The following LPP variants were observed in gnomAD, a reference collection of about 807,000 sequenced individuals.
LPP encodes LIM domain containing preferred translocation partner in lipoma, also known as lipoma-preferred partner.
LPP carries 38 observed loss-of-function variants against 60.4 expected under a neutral mutation model. The ratio of observed to expected loss-of-function variants is 0.63; its 90% confidence interval spans 0.49 to 0.83. LPP has a LOEUF of 0.83. Among genes scored for constraint, LPP ranks in the 40% least tolerant of loss-of-function variants. LPP has a pLI of 0.00. For missense variants in LPP, 902 were observed against 783.6 expected (o/e 1.15, Z -1.80); for synonymous variants, 328 against 290.8 (o/e 1.13, Z -1.30).
chr3:188,842,129 T>A lies in LPP; in HGVS notation c.1411-24071T>A, dbSNP rs569101722. The stretch of plus-strand genomic sequence containing the variant: ...GGCTAATTTACATTCCCACCACCAG[T>A]GTACAAGGGTTCCCTTTTCTCCACA... On this transcript the variant is annotated intron_variant, in intron 9 of 11. Coordinates refer to ENST00000617246, the MANE Select transcript of LPP (RefSeq NM_001375462.1). Among the ~76,000 whole-genome samples the A allele has an allele frequency of 1.2e-4, 18 of 152,322 alleles. No individual in the cohort carries two copies. The South Asian group carries it at 1.7e-3, about 14-fold the overall frequency.
At chr3:188,339,245 G>C (rs1762434285) in intron 2 of LPP, among the ~76,000 whole-genome samples, 1 of 152,130 alleles carries the variant, frequency 6.6e-6, no homozygotes, top group South Asian at 2.1e-4. Context: ...AGTTGTCCCA[G>C]ATGTCTGTAT....
intron 6 of LPP, among the ~76,000 whole-genome samples, chr3:188,535,560 A>AT (rs746840521): frequency 6.6e-6 from 1 of 152,190 alleles, no homozygotes; most frequent in African/African-American, 2.4e-5. Flanking sequence ...CTGCTTTGTG[A>AT]TTTTTTTAAA....
intron 2 of LPP, among the ~76,000 whole-genome samples, chr3:188,245,365 C>G (rs766718258): frequency 1.6e-4 from 24 of 152,164 alleles, no homozygotes; most frequent in Non-Finnish European, 3.2e-4. Context: ...CCTGCCTCGG[C>G]CTCCCAAAGT....
At chr3:188,166,292 C>T (rs1255190694) in intron 1 of LPP, among the ~76,000 whole-genome samples, 2 of 152,028 alleles carry the variant, frequency 1.3e-5, no homozygotes, top group East Asian at 3.9e-4. Flanking sequence ...AGACAAAAGG[C>T]AGAGAGAGTT....
Position 188,880,766 on chromosome 3 carries a change from A to T in LPP, c.*6287A>T, listed in dbSNP as rs1769873611. 2.2e-5 allele frequency: 4 copies of T among 182,934 alleles called. No homozygotes were observed. Among genetic ancestry groups the T allele is most frequent in the Non-Finnish European group, 2.3e-5 (2 of 85,922 alleles). 11.3% of individuals were successfully genotyped at this position (182,934 alleles called of 1,614,324 possible). On this transcript the variant is annotated 3_prime_UTR_variant, in exon 12 of 12. Coordinates refer to ENST00000617246, the MANE Select transcript of LPP (RefSeq NM_001375462.1). ...TCTAAAATCAGTTCTCTACCCTACGAATGGAATGTTCTACCAAGAAAGAGA... is the reference window on the plus strand; with the variant it reads ...TCTAAAATCAGTTCTCTACCCTACGTATGGAATGTTCTACCAAGAAAGAGA...
intron 7 of LPP, among the ~76,000 whole-genome samples, chr3:188,620,803 C>T (rs954552488): frequency 6.6e-6 from 1 of 152,208 alleles, no homozygotes; most frequent in Non-Finnish European, 1.5e-5. Context: ...CAACCTCCCA[C>T]CGCATTTGAT....
intron 9 of LPP, among the ~76,000 whole-genome samples, chr3:188,793,413 C>G (rs1744415613): frequency 6.6e-6 from 1 of 151,958 alleles, no homozygotes; most frequent in African/African-American, 2.4e-5. Flanking sequence ...AACTCCTGAC[C>G]TCAGGTGATC....
At chr3:188,282,760 A>G (rs1742558494) in intron 2 of LPP, among the ~76,000 whole-genome samples, 1 of 152,144 alleles carries the variant, frequency 6.6e-6, no homozygotes, top group Non-Finnish European at 1.5e-5. Flanking sequence ...CCACCTTCTC[A>G]GAAACATCTG....
chr3:188,683,415 C>T (rs1046657186), intron 7 of LPP, among the ~76,000 whole-genome samples: 1 of 152,144 alleles, frequency 6.6e-6, no homozygotes, highest in Admixed American at 6.5e-5. Context: ...GATTTCACCT[C>T]CTGTACATGG....
intron 7 of LPP, among the ~76,000 whole-genome samples, chr3:188,657,281 T>TATAATATATATATATATATATATATATAA (rs10529848): frequency 7.0e-6 from 1 of 143,578 alleles, no homozygotes; most frequent in Non-Finnish European, 1.5e-5. Flanking sequence ...TATATATATA[T>TATAATATATATATATATATATATATATAA]TTCCAAAAGC....
intron 4 of LPP, among the ~76,000 whole-genome samples, chr3:188,471,054 A>G (rs552448544): frequency 6.6e-6 from 1 of 152,318 alleles, no homozygotes; most frequent in East Asian, 1.9e-4. Context: ...ACGTTTACCA[A>G]GCTTCCAATA....
At chr3:188,486,558 T>G (rs374450150) in intron 5 of LPP, among the ~76,000 whole-genome samples, 47 of 152,146 alleles carry the variant, frequency 3.1e-4, no homozygotes, top group African/African-American at 1.1e-3. Flanking sequence ...GGGAATGAGC[T>G]CTAGAGATTT....
chr3:188,338,551 T>C (rs1039829833), intron 2 of LPP, among the ~76,000 whole-genome samples: 12 of 152,204 alleles, frequency 7.9e-5, no homozygotes, highest in Non-Finnish European at 1.6e-4. Flanking sequence ...ACAGAATGTG[T>C]ATTTTATGCA....
In LPP at chr3:188,880,073, C is replaced by A. The variant is rs1769763000; in HGVS notation, c.*5594C>A. On this transcript the variant is annotated 3_prime_UTR_variant, in exon 12 of 12. Transcript: ENST00000617246. ...TGAGACGGAGTCTGGCTCTGTCACC[C>A]AGGCTGGAGTGCAATGGCACGATCT... The A allele has an allele frequency of 6.0e-6, 1 of 165,638 alleles. No homozygotes were observed. The highest frequency in any genetic ancestry group is 2.4e-5 in the African/African-American group (1 of 41,470). 10.3% of individuals were successfully genotyped at this position (165,638 alleles called of 1,614,324 possible). A position where few individuals can be genotyped will look rare whatever the true frequency, so the allele number is the denominator to read the frequency against.
In LPP at chr3:188,321,236, G is replaced by A. The variant is rs564644905; in HGVS notation, c.-66-20427G>A. Among the ~76,000 whole-genome samples, 4 of 152,346 alleles carry A rather than the reference G, an allele frequency of 2.6e-5. No homozygotes were observed. The South Asian group carries it at 8.3e-4, about 32-fold the overall frequency. ...GGAGTTGAAGGTTGAGGCGAGGTGG[G>A]AGATGTGCTGTATAATATGGCAGCC... is the stretch of plus-strand genomic sequence containing the variant. On this transcript the variant is annotated intron_variant, in intron 2 of 11. Transcript: ENST00000617246.
intron 2 of LPP, among the ~76,000 whole-genome samples, chr3:188,248,476 A>ATAGT (rs1456059667): frequency 1.6e-5 from 2 of 125,778 alleles, no homozygotes; most frequent in African/African-American, 3.4e-5. Context: ...CTTTATATAT[A>ATAGT]TATATATATA....
chr3:188,183,559 A>G (rs1394134107), intron 1 of LPP, among the ~76,000 whole-genome samples: 1 of 152,218 alleles, frequency 6.6e-6, no homozygotes, highest in Non-Finnish European at 1.5e-5. Flanking sequence ...AAGCTTTTCA[A>G]AGACATCCTG....
rs1177237006 is a variant in LPP, at chr3:188,572,841, G to A, written c.430-36320G>A. Among the ~76,000 whole-genome samples, 3 of 152,038 alleles carry A rather than the reference G, an allele frequency of 2.0e-5. No individual in the cohort carries two copies. Among genetic ancestry groups the A allele is most frequent in the Non-Finnish European group, 4.4e-5 (3 of 68,000 alleles). On this transcript the variant is annotated intron_variant, in intron 6 of 11. Transcript: ENST00000617246. This position sits in a 1 kb window ranked among gnomAD's most constrained non-coding sequence, Gnocchi z 4.1. The stretch of plus-strand genomic sequence containing the variant: ...CATAGGACAGAAGGAGTTCTTTGCA[G>A]ACTAATAGTTGTCATTTCCAACACT...
intron 2 of LPP, among the ~76,000 whole-genome samples, chr3:188,231,596 G>A (rs946554713): frequency 2.6e-5 from 4 of 151,826 alleles, no homozygotes; most frequent in South Asian, 2.1e-4. Flanking sequence ...TGCTGTATGC[G>A]TGAGACACCG....
Sources: allele counts gnomAD v4.1 joint callset (sites outside exome capture counted in the v4.1 genomes callset), GRCh38; gene constraint gnomAD v4.1.1; non-coding constraint Gnocchi (gnomAD v3.1); transcripts MANE v1.5; gene names NCBI Gene and HGNC (gene_info 2026-07-23, HGNC 2026-07-21).